Variants in ALDH2 observed in about 807,000 individuals in gnomAD.
The protein encoded by ALDH2 is aldehyde dehydrogenase, mitochondrial.
In ALDH2, 44 loss-of-function variants were observed where a neutral mutation model predicts 59.6. That is an observed-to-expected ratio of 0.74 (90% CI 0.58 to 0.95). ALDH2 has a LOEUF of 0.95. ALDH2 is among the 40% of genes least tolerant of loss of function. The pLI is 0.00. For synonymous variants in ALDH2, 291 were observed against 284.0 expected (o/e 1.02, Z -0.25); for missense variants, 570 against 696.3 (o/e 0.82, Z 2.04).
At chr12:111,791,256 C>T in intron 6 of ALDH2, 50 bp from the exon 7 acceptor site, 2 of 1,431,736 alleles carry the variant, frequency 1.4e-6, no homozygotes, top group Non-Finnish European at 2.0e-6. Flanking sequence ...TGGTTGAGCC[C>T]TTCAGAATAG....
At chr12:111,778,535 G>C (rs909567957) in intron 1 of ALDH2, among the ~76,000 whole-genome samples, 4 of 143,916 alleles carry the variant, frequency 2.8e-5, no homozygotes, top group Admixed American at 2.1e-4. Context: ...ACAAGAGCCA[G>C]ACTTTGTCTA....
intron 1 of ALDH2, among the ~76,000 whole-genome samples, chr12:111,781,522 C>A (rs1181177207): frequency 6.6e-6 from 1 of 152,158 alleles, no homozygotes; most frequent in Non-Finnish European, 1.5e-5. Flanking sequence ...TGACTATTGG[C>A]CCCAGCTGTC....
In ALDH2 at chr12:111,792,779, G is replaced by A. The variant is rs752737734; in HGVS notation, c.1080G>A (p.Pro360=). ...NPFDSKTEQG[P]QVDETQFKKI... ...TTGATAGCAAGACCGAGCAGGGGCC[G>A]CAGGTGAGCCAGGCAGTGCCGCAGG... The change falls in exon 9 of 13, where the codon CCG becomes CCA. Residue 360 remains proline (P), a synonymous_variant. Transcript: ENST00000261733. 7.1e-6 allele frequency: 11 copies of A among 1,548,834 alleles called. No individual in the cohort carries two copies. Among genetic ancestry groups the A allele is most frequent in the South Asian group, 4.8e-5 (4 of 84,150 alleles).
At chr12:111,793,437 A>G (rs372776818) in intron 9 of ALDH2, among the ~76,000 whole-genome samples, 2 of 152,076 alleles carry the variant, frequency 1.3e-5, no homozygotes, top group South Asian at 2.1e-4. Flanking sequence ...AGCTGAACGT[A>G]CAGAGGGTGC....
intron 1 of ALDH2, among the ~76,000 whole-genome samples, chr12:111,781,541 G>A (rs541964823): frequency 1.3e-5 from 2 of 152,342 alleles, no homozygotes; most frequent in Admixed American, 6.5e-5. Flanking sequence ...TCCTCACACT[G>A]TAGCCACACA....
intron 1 of ALDH2, among the ~76,000 whole-genome samples, chr12:111,777,805 C>G (rs1362349034): frequency 6.6e-6 from 1 of 152,172 alleles, no homozygotes; most frequent in African/African-American, 2.4e-5. Flanking sequence ...CACCTGTCCC[C>G]ACACTGGAAA....
At chr12:111,798,056 C>T in intron 9 of ALDH2, 22 bp from the exon 10 acceptor site, 1 of 1,614,048 alleles carries the variant, frequency 6.2e-7, no homozygotes, top group Non-Finnish European at 8.5e-7. Context: ...GTCTCCATAA[C>T]TCTGGGTTCC....
At chr12:111,782,189 G>T (rs374379312) in intron 2 of ALDH2, among the ~76,000 whole-genome samples, 167 bp downstream of exon 2, 1 of 152,214 alleles carries the variant, frequency 6.6e-6, no homozygotes, top group Non-Finnish European at 1.5e-5. Flanking sequence ...GCAGACAACG[G>T]TGTTAATTCA....
chr12:111,803,826 G>C, intron 11 of ALDH2, 33 bp from the exon 12 acceptor site: 9 of 1,531,532 alleles, frequency 5.9e-6, no homozygotes, highest in Non-Finnish European at 8.1e-6. Flanking sequence ...TAACCCCCAA[G>C]AGTGATTTCT....
At chr12:111,809,420 C>A in intron 12 of ALDH2, 123 bp from the exon 13 acceptor site, 1 of 1,049,182 alleles carries the variant, frequency 9.5e-7, no homozygotes, top group Non-Finnish European at 1.4e-6. Context: ...CACCCCTGTA[C>A]TCCAGTCTGG....
At chr12:111,802,442 G>T (rs537564002) in intron 11 of ALDH2, among the ~76,000 whole-genome samples, 3 of 150,862 alleles carry the variant, frequency 2.0e-5, no homozygotes, top group African/African-American at 7.3e-5. Flanking sequence ...TTAGCCGGGC[G>T]CAGTGGTGGG....
rs1330651255 is a variant in ALDH2, at chr12:111,814,441, G to A, written c.*4866G>A. On this transcript the variant is annotated 3_prime_UTR_variant, in exon 13 of 13. Transcript: ENST00000261733. The stretch of plus-strand genomic sequence containing the variant: ...TGTAATCCCAGCTACTCAGGAGGCT[G>A]AGGCAGGAGAATTGGTTGAACCTGG... 1 of 151,298 alleles carries A rather than the reference G, an allele frequency of 6.6e-6. No individual in the cohort carries two copies. Among genetic ancestry groups the A allele is most frequent in the Non-Finnish European group, 1.5e-5 (1 of 68,004 alleles). 9.4% of individuals were successfully genotyped at this position (151,298 alleles called of 1,614,324 possible). A position where few individuals can be genotyped will look rare whatever the true frequency, so the allele number is the denominator to read the frequency against.
At chr12:111,790,640 AG>A (rs1436938339) in intron 6 of ALDH2, 78 bp downstream of exon 6, 1 of 1,583,218 alleles carries the variant, frequency 6.3e-7, no homozygotes, top group Non-Finnish European at 8.6e-7. Flanking sequence ...GAAGGGTCTC[AG>A]GGGTCCCTAA....
In ALDH2 at chr12:111,812,430, A is replaced by G. The variant is rs954792228; in HGVS notation, c.*2855A>G. ...CCACAGCCAACAATGTGTTTTCAAT[A>G]TGCTCCCCAAACTACAGCAAACTCC... On this transcript the variant is annotated 3_prime_UTR_variant, in exon 13 of 13. Coordinates refer to ENST00000261733, the MANE Select transcript of ALDH2 (RefSeq NM_000690.4). The G allele has an allele frequency of 6.6e-6, 1 of 152,132 alleles. No homozygotes were observed. The highest frequency in any genetic ancestry group is 1.5e-5 in the Non-Finnish European group (1 of 68,046). 9.4% of individuals were successfully genotyped at this position (152,132 alleles called of 1,614,324 possible). A position where few individuals can be genotyped will look rare whatever the true frequency, so the allele number is the denominator to read the frequency against.
At chr12:111,768,703 G>C (rs914598643) in intron 1 of ALDH2, among the ~76,000 whole-genome samples, 15 of 151,550 alleles carry the variant, frequency 9.9e-5, no homozygotes, top group African/African-American at 3.4e-4. Flanking sequence ...AATTAGTTAG[G>C]TGCGGTGGCA....
chr12:111,767,154 C>T (rs986979093), intron 1 of ALDH2, 58 bp downstream of exon 1: 1 of 1,341,760 alleles, frequency 7.5e-7, no homozygotes, highest in African/African-American at 1.5e-5. Flanking sequence ...CCGCAGGCCC[C>T]TAGGAAGGCC....
intron 2 of ALDH2, 126 bp downstream of exon 2, chr12:111,782,148 T>G: frequency 1.5e-6 from 1 of 682,936 alleles, no homozygotes; most frequent in South Asian, 1.7e-5. Flanking sequence ...AGTGAAAAAT[T>G]CCGAGTAAAT....
At chr12:111,783,132 G>A (rs1212160295) in intron 2 of ALDH2, 26 bp from the exon 3 acceptor site, 3 of 1,598,786 alleles carry the variant, frequency 1.9e-6, no homozygotes. Context: ...TTTCCAGGAA[G>A]GCTTGAGTTT....
chr12:111,789,295 G>A (rs751679038), intron 4 of ALDH2, among the ~76,000 whole-genome samples: 8 of 151,576 alleles, frequency 5.3e-5, no homozygotes, highest in Non-Finnish European at 1.0e-4. Flanking sequence ...GGGATTACAA[G>A]TGTGAGCCAC....
Sources: gnomAD v4.1 joint callset for allele counts (sites outside exome capture counted in the v4.1 genomes callset) on GRCh38, gnomAD v4.1.1 for gene constraint, MANE v1.5 for transcripts, NCBI Gene and HGNC (gene_info 2026-07-23, HGNC 2026-07-21) for gene names.